HPSE2: variants seen among roughly 807,000 people sequenced by gnomAD.
The protein encoded by HPSE2 is inactive heparanase-2.
In HPSE2, 38 loss-of-function variants were observed where a neutral mutation model predicts 60.5. The observed-to-expected ratio is 0.63, with a 90% CI of 0.48 to 0.82. The LOEUF (loss-of-function observed/expected upper bound fraction) is 0.82. Ranked by LOEUF, HPSE2 falls within the 40% of genes least tolerant of loss-of-function variation. HPSE2 has a pLI of 0.00. For missense variants in HPSE2, 713 were observed against 740.4 expected (o/e 0.96, Z 0.43); for synonymous variants, 295 against 293.2 (o/e 1.01, Z -0.06).
chr10:98,846,197 CT>C (rs1952030606), intron 3 of HPSE2, among the ~76,000 whole-genome samples: 1 of 152,152 alleles, frequency 6.6e-6, no homozygotes, highest in African/African-American at 2.4e-5. Context: ...CCTATACCAG[CT>C]TTTGAGAGTT....
At chr10:99,132,268 AAAGAAAG>A in intron 3 of HPSE2, among the ~76,000 whole-genome samples, 1 of 149,850 alleles carries the variant, frequency 6.7e-6, no homozygotes, top group African/African-American at 2.4e-5. Context: ...AGAAAGAAAG[AAAGAAAG>A]AAAAGAAATT....
intron 11 of HPSE2, among the ~76,000 whole-genome samples, chr10:98,464,318 C>T (rs1005183658): frequency 1.3e-5 from 2 of 152,106 alleles, no homozygotes; most frequent in African/African-American, 2.4e-5. Context: ...CATTTGTTGA[C>T]ATTTAAAAGG....
At chr10:99,300,947 C>A in the HPSE2 span, among the ~76,000 whole-genome samples, 1 of 152,144 alleles carries the variant, frequency 6.6e-6, no homozygotes, top group Non-Finnish European at 1.5e-5. Flanking sequence ...GTAACACCCC[C>A]ATTTTACCTG....
At chr10:98,740,088 ATATGT>A (rs1455084487) in intron 4 of HPSE2, among the ~76,000 whole-genome samples, 4 of 152,134 alleles carry the variant, frequency 2.6e-5, no homozygotes, top group Non-Finnish European at 5.9e-5. Context: ...ATTTAGGGAA[ATATGT>A]TATATCCAAA....
chr10:98,862,303 T>G (rs955669640), intron 3 of HPSE2, among the ~76,000 whole-genome samples: 3 of 152,158 alleles, frequency 2.0e-5, no homozygotes, highest in African/African-American at 7.2e-5. Context: ...TGGTAAGAAC[T>G]TGGGGGTCTC....
At chr10:99,130,424 T>C (rs1424585543) in intron 3 of HPSE2, among the ~76,000 whole-genome samples, 1 of 152,076 alleles carries the variant, frequency 6.6e-6, no homozygotes, top group Non-Finnish European at 1.5e-5. Flanking sequence ...AAAAATATAA[T>C]ACACTATGAT....
In HPSE2 at chr10:98,695,412, T is replaced by A. The variant is rs1237155744; in HGVS notation, c.957-1465A>T. 1.3e-5 allele frequency among the ~76,000 whole-genome samples: 2 copies of A among 152,188 alleles called. 1 individual carries two copies. Among genetic ancestry groups the A allele is most frequent in the Admixed American group, 1.3e-4 (2 of 15,282 alleles). On this transcript the variant is annotated intron_variant, in intron 5 of 11. Coordinates refer to ENST00000370552, the MANE Select transcript of HPSE2 (RefSeq NM_021828.5). ...AGTAGAAAATGACACATGGGAATGA[T>A]CGAGGAATAGAACTGGTTTGATGGG...
intron 2 of HPSE2, among the ~76,000 whole-genome samples, chr10:99,222,367 A>C (rs570641590): frequency 6.6e-6 from 1 of 152,214 alleles, no homozygotes; most frequent in East Asian, 1.9e-4. Flanking sequence ...CCCTACTTGA[A>C]TTTAACAAAA....
At chr10:99,030,091 T>C (rs1957467114) in intron 3 of HPSE2, among the ~76,000 whole-genome samples, 2 of 152,208 alleles carry the variant, frequency 1.3e-5, no homozygotes, top group Non-Finnish European at 2.9e-5. Context: ...CTCCTATCTC[T>C]GTATGGCCTG....
chr10:99,108,993 G>A (rs1481101022), intron 3 of HPSE2, among the ~76,000 whole-genome samples: 1 of 152,056 alleles, frequency 6.6e-6, no homozygotes, highest in Non-Finnish European at 1.5e-5. Context: ...TCCATGTGTT[G>A]TCATGAATCT....
At position 98,620,332 on chromosome 10, in the gene HPSE2, T is replaced by C. The variant is rs559962692; in HGVS notation, c.1205+270A>G. Among the ~76,000 whole-genome samples the C allele has an allele frequency of 2.6e-5, 4 of 152,360 alleles. No homozygotes were observed. The South Asian group carries it at 8.3e-4, about 32-fold the overall frequency. ...GTTGTTTACACTGTGTTTTGAACTT[T>C]AGACATTCAATAAAGCTGTTATTAC... is the stretch of plus-strand genomic sequence containing the variant. On this transcript the variant is annotated intron_variant, in intron 8 of 11. Coordinates refer to ENST00000370552, the MANE Select transcript of HPSE2 (RefSeq NM_021828.5).
At chr10:98,972,371 GA>G (rs918190598) in intron 3 of HPSE2, among the ~76,000 whole-genome samples, 2 of 151,410 alleles carry the variant, frequency 1.3e-5, no homozygotes, top group African/African-American at 4.9e-5. Flanking sequence ...AAGCTTTGTT[GA>G]AAAAAAATCC....
At chr10:99,136,079 T>C (rs2135753366) in intron 3 of HPSE2, among the ~76,000 whole-genome samples, 1 of 152,166 alleles carries the variant, frequency 6.6e-6, no homozygotes, top group South Asian at 2.1e-4. Context: ...CCCACAGAAA[T>C]ACGAACTACC....
At chr10:99,310,704 G>A in the HPSE2 span, among the ~76,000 whole-genome samples, 1 of 152,086 alleles carries the variant, frequency 6.6e-6, no homozygotes, top group Non-Finnish European at 1.5e-5. Context: ...TCGACTCACT[G>A]CAACCTCTGC....
chr10:99,263,147 T>C, the HPSE2 span, among the ~76,000 whole-genome samples: 3 of 152,134 alleles, frequency 2.0e-5, no homozygotes, highest in African/African-American at 7.2e-5. Flanking sequence ...TTTCCCCATA[T>C]TTCCTTCTTT....
intron 9 of HPSE2, among the ~76,000 whole-genome samples, chr10:98,538,525 T>A (rs1246581060): frequency 6.6e-6 from 1 of 152,096 alleles, no homozygotes; most frequent in Non-Finnish European, 1.5e-5. Flanking sequence ...CCCCAGAATA[T>A]CTCATTAAGA....
intron 11 of HPSE2, among the ~76,000 whole-genome samples, chr10:98,461,185 A>C (rs1940271922): frequency 6.6e-6 from 1 of 152,276 alleles, no homozygotes; most frequent in South Asian, 2.1e-4. Flanking sequence ...CCAATAGAGC[A>C]GTGAATTCCC....
At chr10:98,630,190 TTTTTG>T (rs1946324412) in intron 7 of HPSE2, among the ~76,000 whole-genome samples, 1 of 149,596 alleles carries the variant, frequency 6.7e-6, no homozygotes, top group Non-Finnish European at 1.5e-5. Flanking sequence ...ATCGTTTTTT[TTTTTG>T]TTTTTTTTTT....
At chr10:98,723,953 TC>T (rs1373617644) in intron 4 of HPSE2, among the ~76,000 whole-genome samples, 1 of 152,190 alleles carries the variant, frequency 6.6e-6, no homozygotes, top group African/African-American at 2.4e-5. Flanking sequence ...GTTTTTTGTG[TC>T]TCTATTTCCT....
Sources: gnomAD v4.1 joint callset for allele counts (sites outside exome capture counted in the v4.1 genomes callset) on GRCh38, gnomAD v4.1.1 for gene constraint, MANE v1.5 for transcripts, NCBI Gene and HGNC (gene_info 2026-07-23, HGNC 2026-07-21) for gene names.